The following CEP78 variants were observed in gnomAD, a reference collection of about 807,000 sequenced individuals.
CEP78 encodes the protein centrosomal protein 78, also known as centrosomal protein of 78 kDa.
Under a neutral mutation model 81.2 loss-of-function variants are expected in CEP78, and 76 were observed. The ratio of observed to expected loss-of-function variants is 0.94; its 90% CI spans 0.78 to 1.13. CEP78 has a LOEUF of 1.13. Among genes scored for constraint, CEP78 ranks in the 50% most tolerant of loss-of-function variants. CEP78 has a pLI of 0.00. For synonymous variants in CEP78, 293 were observed against 301.4 expected, an observed-to-expected ratio of 0.97 and a Z score of 0.29; for missense variants, 918 against 846.8, an observed-to-expected ratio of 1.08 and a Z score of -1.04.
intron 4 of CEP78, 70 bp downstream of exon 4, chr9:78,241,869 ACAG>A: frequency 3.4e-6 from 3 of 874,686 alleles, no homozygotes; most frequent in Non-Finnish European, 5.5e-6. Context: ...TTGATACAAG[ACAG>A]CAGTTATTTT....
rs1274868168 is a variant in CEP78, at chr9:78,265,567, G to C, written c.1797+24G>C. 1.9e-6 allele frequency: 3 copies of C among 1,541,782 alleles called. No homozygotes were observed. The African/African-American group carries it at 4.1e-5, about 21-fold the overall frequency. On this transcript the variant is annotated intron_variant, in intron 14 of 16. Transcript: ENST00000643273. ...AGGTAAATGAATAGAACAGAACTTA[G>C]TGATTCTACAAGTGATTAGCAAAAA...
rs1235149146 is a variant in CEP78, at chr9:78,265,374, T to G, written c.1628T>G (p.Leu543Arg). Residue 543 changes from leucine to arginine, a missense_variant and splice_region_variant, in exon 14 of 17, where the codon CTT (leucine) becomes CGT (arginine). Physicochemically the swap from Leu to Arg is moderately radical, Grantham distance 102. Coordinates refer to ENST00000643273, the MANE Select transcript of CEP78 (RefSeq NM_001330691.3). ...AFLDLLKDAG[L>R]GQLATMAGID... The stretch of plus-strand genomic sequence containing the variant: ...CCTCCTTTTCTTCTCTCGACCAGGC[T>G]TGGGCAGCTTGCCACAATGGCTGGG... The G allele has an allele frequency of 6.3e-7, 1 of 1,596,890 alleles. No homozygotes were observed.
intron 9 of CEP78, among the ~76,000 whole-genome samples, chr9:78,252,389 G>A (rs148327076): frequency 4.4e-4 from 67 of 152,286 alleles, no homozygotes; most frequent in African/African-American, 1.5e-3. Flanking sequence ...TGGGGAAAGG[G>A]CATTGTAAAG....
intron 3 of CEP78, among the ~76,000 whole-genome samples, chr9:78,241,437 G>A (rs1456746411): frequency 1.3e-5 from 2 of 152,068 alleles, no homozygotes; most frequent in Non-Finnish European, 2.9e-5. Flanking sequence ...CTTTACTGTG[G>A]TCTGGAGTAA....
In CEP78 at chr9:78,278,921, A is replaced by C. The variant is rs1174076714; in HGVS notation, c.*8070A>C. On this transcript the variant is annotated 3_prime_UTR_variant, in exon 17 of 17. Transcript: ENST00000643273. ...AATTTGGTCAAAAAGTTAAAAAATA[A>C]GAAGACTTTGCCCTGTGACTGAGGT... The C allele has an allele frequency of 2.0e-5, 3 of 152,132 alleles. No homozygotes were observed. Among genetic ancestry groups the C allele is most frequent in the Admixed American group, 6.5e-5 (1 of 15,284 alleles). 9.4% of individuals were successfully genotyped at this position (152,132 alleles called of 1,614,324 possible). A position where few individuals can be genotyped will look rare whatever the true frequency, so the allele number is the denominator to read the frequency against.
At chr9:78,253,356 T>G (rs1441488166) in intron 10 of CEP78, 79 bp downstream of exon 10, 2 of 759,610 alleles carry the variant, frequency 2.6e-6, no homozygotes, top group Non-Finnish European at 4.6e-6. Flanking sequence ...CTCTTTAAAT[T>G]GAATAGAGTC....
chr9:78,251,882 CT>C lies in CEP78; in HGVS notation c.1070-23del. ...TGTAGACCTTTAGTGCATCTTGATT[CT>C]TTCTTTTTAACACTTCTCAAGTAGG... is the stretch of plus-strand genomic sequence containing the variant. On this transcript the variant is annotated intron_variant, in intron 8 of 16. Coordinates refer to ENST00000643273, the MANE Select transcript of CEP78 (RefSeq NM_001330691.3). The C allele has an allele frequency of 3.1e-6, 5 of 1,591,236 alleles. No homozygotes were observed. The South Asian group carries it at 5.6e-5, about 18-fold the overall frequency.
chr9:78,265,319 C>T, intron 13 of CEP78, 53 bp from the exon 14 acceptor site: 1 of 1,413,144 alleles, frequency 7.1e-7, no homozygotes, highest in Non-Finnish European at 9.5e-7. Context: ...GTAAGCTGTT[C>T]TTATGTGCTT....
At chr9:78,270,361 G>C (rs148940182) in intron 16 of CEP78, among the ~76,000 whole-genome samples, 1 of 151,994 alleles carries the variant, frequency 6.6e-6, no homozygotes, top group Non-Finnish European at 1.5e-5. Flanking sequence ...TACAATTTTA[G>C]CCCTGCAAGT....
At chr9:78,256,632 A>G (rs964398416) in intron 11 of CEP78, among the ~76,000 whole-genome samples, 5 of 143,834 alleles carry the variant, frequency 3.5e-5, no homozygotes, top group Admixed American at 7.5e-5. Context: ...TTCCGGGTTC[A>G]CGCCATTCTC....
chr9:78,262,998 T>C lies in CEP78; in HGVS notation c.1458+14T>C, dbSNP rs1233402880. 10 of 1,504,332 alleles carry C rather than the reference T, an allele frequency of 6.6e-6. No homozygotes were observed. The highest frequency in any genetic ancestry group is 1.7e-4 in the Middle Eastern group (1 of 5,722). 93.2% of individuals were successfully genotyped at this position (1,504,332 alleles called of 1,614,324 possible). On this transcript the variant is annotated intron_variant, in intron 12 of 16. Transcript: ENST00000643273. ...CGAGTCAGTGAGGTAAATAAAAGTT[T>C]TCTTACCTTTTGAGAGTTTTTTGTT...
In CEP78 at chr9:78,243,611, T is replaced by C. The variant is rs760069107; in HGVS notation, c.753T>C (p.Ser251=). 1.9e-6 allele frequency: 3 copies of C among 1,613,510 alleles called. No homozygotes were observed. The Admixed American group carries it at 5.0e-5, about 27-fold the overall frequency. The part of the protein sequence containing the change: ...GDLGACAFAD[S]LSEDLWLRAL... Reference sequence around the variant, plus strand: ...TAGGTGCATGTGCTTTTGCAGACTCTCTCAGTGAGGATTTATGGCTGAGAG... The same window carrying C: ...TAGGTGCATGTGCTTTTGCAGACTCCCTCAGTGAGGATTTATGGCTGAGAG... Residue 251 remains serine (S), a synonymous_variant, in exon 5 of 17, where the codon TCT becomes TCC. Coordinates refer to ENST00000643273, the MANE Select transcript of CEP78 (RefSeq NM_001330691.3).
chr9:78,244,998 A>G (rs1030093801), intron 5 of CEP78, among the ~76,000 whole-genome samples: 1 of 152,074 alleles, frequency 6.6e-6, no homozygotes, highest in Non-Finnish European at 1.5e-5. Flanking sequence ...TATTCATTTG[A>G]TTTACTAGTG....
intron 10 of CEP78, among the ~76,000 whole-genome samples, chr9:78,254,309 A>G (rs752678531): frequency 2.2e-4 from 33 of 151,718 alleles, no homozygotes; most frequent in Admixed American, 5.9e-4. Flanking sequence ...CTTAAGCAGT[A>G]CTCCTGCCTT....
chr9:78,241,529 T>G (rs116527563), intron 3 of CEP78, among the ~76,000 whole-genome samples, 167 bp from the exon 4 acceptor site: 190 of 152,358 alleles, frequency 1.2e-3, no homozygotes, highest in African/African-American at 4.0e-3. Context: ...TCTTTGTTAC[T>G]GACTTATTTT....
intron 5 of CEP78, among the ~76,000 whole-genome samples, chr9:78,245,374 A>G (rs1481295081): frequency 2.0e-5 from 3 of 152,104 alleles, no homozygotes; most frequent in African/African-American, 4.8e-5. Context: ...ATATCCTTAA[A>G]TGGTGGCGAG....
chr9:78,262,603 ATTTCTT>A, intron 11 of CEP78, among the ~76,000 whole-genome samples: 1 of 152,138 alleles, frequency 6.6e-6, no homozygotes, highest in Non-Finnish European at 1.5e-5. Context: ...TAAGAATAGA[ATTTCTT>A]TTTCATAGCC....
Position 78,236,221 on chromosome 9 carries a change from T to C in CEP78, c.-130T>C. The C allele has an allele frequency of 1.3e-6, 1 of 796,832 alleles. No individual in the cohort carries two copies. The highest frequency in any genetic ancestry group is 1.9e-6 in the Non-Finnish European group (1 of 522,340). The allele number at this position is 796,832 out of a possible 1,614,324, so 49.4% of individuals were successfully genotyped here. ...CGTCTTCCGACCGAATCACCGCTCCTGAGCCCGGTGCGGGGCTGCCGCTAT... is the reference window on the plus strand; with the variant it reads ...CGTCTTCCGACCGAATCACCGCTCCCGAGCCCGGTGCGGGGCTGCCGCTAT... On this transcript the variant is annotated 5_prime_UTR_variant, in exon 1 of 17. Coordinates refer to ENST00000643273, the MANE Select transcript of CEP78 (RefSeq NM_001330691.3).
chr9:78,244,261 C>T (rs1364356454), intron 5 of CEP78, among the ~76,000 whole-genome samples: 1 of 151,634 alleles, frequency 6.6e-6, no homozygotes. Flanking sequence ...CTATACCCTC[C>T]GAGTAGCTGG....
Sources: gnomAD v4.1 joint callset for allele counts (sites outside exome capture counted in the v4.1 genomes callset) on GRCh38, gnomAD v4.1.1 for gene constraint, MANE v1.5 for transcripts, NCBI Gene and HGNC (gene_info 2026-07-23, HGNC 2026-07-21) for gene names.